The following AP5Z1 variants were observed in gnomAD, a reference collection of about 807,000 sequenced individuals.
AP5Z1 encodes AP-5 complex subunit zeta-1.
Under a neutral mutation model 83.0 loss-of-function variants are expected in AP5Z1, and 106 were observed. The observed-to-expected ratio is 1.28, with a 90% CI of 1.09 to 1.50. The LOEUF (loss-of-function observed/expected upper bound fraction) is 1.50. AP5Z1 is among the 40% of genes most tolerant of loss of function. AP5Z1 has a pLI of 0.00. For synonymous variants in AP5Z1, 751 were observed against 514.1 expected (o/e 1.46, Z -6.23); for missense variants, 1,565 against 1,094.2 (o/e 1.43, Z -6.07).
intron 4 of AP5Z1, 30 bp from the exon 5 acceptor site, chr7:4,783,659 C>A (rs1781448108): frequency 6.5e-7 from 1 of 1,540,070 alleles, no homozygotes; most frequent in African/African-American, 1.4e-5. Flanking sequence ...GATTCAACCT[C>A]ACCTCCCCAT....
intron 12 of AP5Z1, 37 bp downstream of exon 12, chr7:4,788,331 CAG>C (rs1562411685): frequency 6.5e-7 from 1 of 1,535,268 alleles, no homozygotes; most frequent in Admixed American, 2.0e-5. Flanking sequence ...ACCAGTGGCT[CAG>C]AGAGCCCGGC....
Position 4,788,871 on chromosome 7 carries a change from A to G in AP5Z1, c.1627A>G (p.Met543Val), listed in dbSNP as rs754702966. The change falls in exon 13 of 17, where the codon ATG becomes GTG. Residue 543 changes from methionine to valine, a missense_variant. By Grantham distance (21) the Met-to-Val change is conservative (BLOSUM62 1). Transcript: ENST00000649063. ...GCCACTCCACCAGCTGCTGCAGCCC[A>G]TGGCCGGCTGTGCCCGCGTGGCCCA... ...LAPLHQLLQP[M>V]AGCARVAQCA... is the part of the protein sequence containing the mutation. The G allele has an allele frequency of 1.2e-6, 2 of 1,609,838 alleles. No individual in the cohort carries two copies. The highest frequency in any genetic ancestry group is 1.7e-6 in the Non-Finnish European group (2 of 1,178,812).
At chr7:4,788,086 C>T in intron 11 of AP5Z1, 68 bp from the exon 12 acceptor site, 1 of 1,457,234 alleles carries the variant, frequency 6.9e-7, no homozygotes, top group Non-Finnish European at 9.1e-7. Flanking sequence ...CCGTGTGTCT[C>T]CCTGACGGGG....
rs542232607 is a variant in AP5Z1 at position 4,789,739 on chromosome 7, A to G, written c.1708-93A>G. On this transcript the variant is annotated intron_variant, in intron 13 of 16. Transcript: ENST00000649063. ...GTGGACGAGGAGTCTCCAGCCCCTC[A>G]CCTGCCCCCCAGCCCTCACCATGGC... 41 of 918,224 alleles carry G rather than the reference A, an allele frequency of 4.5e-5. No individual in the cohort carries two copies. The African/African-American group carries it at 6.6e-4, about 15-fold the overall frequency. The allele number at this position is 918,224 out of a possible 1,614,324, so 56.9% of individuals were successfully genotyped here.
chr7:4,783,872 A>G lies in AP5Z1; in HGVS notation c.621+74A>G, dbSNP rs1484051707. On this transcript the variant is annotated intron_variant, in intron 5 of 16. Transcript: ENST00000649063. The stretch of plus-strand genomic sequence containing the variant: ...CCCCTCCCTGAGAGCTCCTGTGCCC[A>G]CAGCGGCGAGGCCTGCTGTCGTTCC... The G allele has an allele frequency of 5.5e-6, 8 of 1,444,006 alleles. No homozygotes were observed. In the Admixed American group the frequency reaches 1.4e-4, roughly 26 times the overall value. 89.4% of individuals were successfully genotyped at this position (1,444,006 alleles called of 1,614,324 possible).
At chr7:4,790,359 AC>A in intron 14 of AP5Z1, 99 bp from the exon 15 acceptor site, 1 of 1,579,990 alleles carries the variant, frequency 6.3e-7, no homozygotes, top group South Asian at 1.1e-5. Flanking sequence ...GCATACACCT[AC>A]CACTCAGACG....
chr7:4,780,606 A>G (rs1040834531), intron 1 of AP5Z1, among the ~76,000 whole-genome samples: 7 of 152,100 alleles, frequency 4.6e-5, no homozygotes, highest in African/African-American at 1.4e-4. Flanking sequence ...TTACTAAAAA[A>G]TACAAAAAAA....
At position 4,781,162 on chromosome 7, in the gene AP5Z1, C is replaced by T; in HGVS notation, c.42-13C>T. ...GAGTGCTTCTGGGTCCTGAAGTCCT[C>T]TTCTTTGTTTAGGGAGATCCAGGAC... On this transcript the variant is annotated splice_polypyrimidine_tract_variant and intron_variant, in intron 1 of 16. Transcript: ENST00000649063. 1 of 1,612,830 alleles carries T rather than the reference C, an allele frequency of 6.2e-7. No homozygotes were observed. The highest frequency in any genetic ancestry group is 8.5e-7 in the Non-Finnish European group (1 of 1,179,028).
intron 14 of AP5Z1, 179 bp from the exon 15 acceptor site, chr7:4,790,280 G>A (rs1311617344): frequency 4.5e-6 from 7 of 1,544,030 alleles, no homozygotes; most frequent in African/African-American, 2.7e-5. Context: ...GCTGGTGCCA[G>A]CCTTCTCCCC....
In AP5Z1 at chr7:4,788,896, A is replaced by C. The variant is rs1186869930; in HGVS notation, c.1652A>C (p.Gln551Pro). The change falls in exon 13 of 17, where the codon CAG becomes CCG. Residue 551 changes from glutamine to proline, a missense_variant. Transcript: ENST00000649063. ...QPMAGCARVA[Q>P]CAQAVPTLLQ... ...ATGGCCGGCTGTGCCCGCGTGGCCCAGTGTGCCCAGGCCGTGCCCACGCTG... is the reference window on the plus strand; with the variant it reads ...ATGGCCGGCTGTGCCCGCGTGGCCCCGTGTGCCCAGGCCGTGCCCACGCTG... The C allele has an allele frequency of 1.2e-6, 2 of 1,611,010 alleles. No individual in the cohort carries two copies. Among genetic ancestry groups the C allele is most frequent in the East Asian group, 2.2e-5 (1 of 44,850 alleles).
chr7:4,781,659 C>A lies in AP5Z1; in HGVS notation c.271C>A (p.Arg91=), dbSNP rs767325342. 4 of 1,605,230 alleles carry A rather than the reference C, an allele frequency of 2.5e-6. No homozygotes were observed. Among genetic ancestry groups the A allele is most frequent in the Non-Finnish European group, 3.4e-6 (4 of 1,173,660 alleles). The change falls in exon 3 of 17, where the codon CGA becomes AGA. Residue 91 remains arginine (R), a synonymous_variant. Transcript: ENST00000649063. ...CCAGGTGCTTTGCGCCGCCATCCTG[C>A]GAGAGATGTCCCCCTCTGACAGCCT... ...QLQVLCAAIL[R]EMSPSDSLSL...
chr7:4,776,764 TACAG>T (rs1781240368), intron 1 of AP5Z1, among the ~76,000 whole-genome samples: 1 of 151,280 alleles, frequency 6.6e-6, no homozygotes, highest in South Asian at 2.1e-4. Flanking sequence ...GTAAAGAAAA[TACAG>T]CCAGCACTAC....
At chr7:4,790,930 AAG>A (rs1207659004) in intron 16 of AP5Z1, 43 bp downstream of exon 16, 2 of 1,536,022 alleles carry the variant, frequency 1.3e-6, no homozygotes, top group Non-Finnish European at 1.8e-6. Flanking sequence ...GCTCCTGGGG[AAG>A]AGAGGTGGCT....
Position 4,785,632 on chromosome 7 carries a change from C to T in AP5Z1, c.1080C>T (p.Asp360=), listed in dbSNP as rs898739258. 3 of 1,570,606 alleles carry T rather than the reference C, an allele frequency of 1.9e-6. No individual in the cohort carries two copies. Among genetic ancestry groups the T allele is most frequent in the Admixed American group, 1.8e-5 (1 of 54,940 alleles). ...CCCTGCACGGGCGGGTGCGCGGGGA[C>T]CCGGCCTCTGTGCGGGTGCTGCTGC... ...LKALHGRVRG[D]PASVRVLLPL... The change falls in exon 9 of 17, where the codon GAC becomes GAT. Residue 360 remains aspartate, a synonymous_variant. Coordinates refer to ENST00000649063, the MANE Select transcript of AP5Z1 (RefSeq NM_014855.3).
In AP5Z1 at chr7:4,784,126, T is replaced by TGAGGAGC. The variant is rs112082322; in HGVS notation, c.622-76_622-70dup. ...TTCAGGCAGCTTCTCCTCCACCTCC[T>TGAGGAGC]GAGGAGCTTGTGCTAAAGGCTGGCG... On this transcript the variant is annotated intron_variant, in intron 5 of 16. Transcript: ENST00000649063. The TGAGGAGC allele has an allele frequency of 1.4e-5, 21 of 1,478,948 alleles. No individual in the cohort carries two copies. The African/African-American group carries it at 2.7e-4, about 19-fold the overall frequency. 91.6% of individuals were successfully genotyped at this position (1,478,948 alleles called of 1,614,324 possible). A position where few individuals can be genotyped will look rare whatever the true frequency, so the allele number is the denominator to read the frequency against.
In AP5Z1 at chr7:4,790,577, C is replaced by G; in HGVS notation, c.1924C>G (p.Leu642Val). The G allele has an allele frequency of 6.2e-7, 1 of 1,613,048 alleles. No homozygotes were observed. Among genetic ancestry groups the G allele is most frequent in the Non-Finnish European group, 8.5e-7 (1 of 1,179,858 alleles). Residue 642 changes from leucine (L) to valine (V), a missense_variant, in exon 15 of 17, where the codon CTC (leucine) becomes GTC (valine). Physicochemically the swap from Leu to Val is conservative, Grantham distance 32 (BLOSUM62 1). Coordinates refer to ENST00000649063, the MANE Select transcript of AP5Z1 (RefSeq NM_014855.3). ...GAATGGTCTCTGCAGCAGGGCGAGC[C>G]TCGTCACCAGCGTGGTAAGGCGGGC... The part of the protein sequence containing the change: ...SVNGLCSRAS[L>V]VTSVVWAIGE...
rs980467017 is a variant in AP5Z1, at chr7:4,788,600, G to A, written c.1596-240G>A. The A allele has an allele frequency of 6.0e-6, 3 of 501,598 alleles. No individual in the cohort carries two copies. The East Asian group carries it at 9.7e-5, about 16-fold the overall frequency. 31.1% of individuals were successfully genotyped at this position (501,598 alleles called of 1,614,324 possible). A position where few individuals can be genotyped will look rare whatever the true frequency, so the allele number is the denominator to read the frequency against. ...TGAGCCCAGGAAGCAGGAGGCCTGGGACCGGCCACAGGCCTCCTGCCCTCA... is the reference window on the plus strand; with the variant it reads ...TGAGCCCAGGAAGCAGGAGGCCTGGAACCGGCCACAGGCCTCCTGCCCTCA... On this transcript the variant is annotated intron_variant, in intron 12 of 16. Transcript: ENST00000649063.
intron 16 of AP5Z1, 26 bp from the exon 17 acceptor site, chr7:4,791,089 C>T (rs760349249): frequency 3.2e-6 from 5 of 1,545,670 alleles, no homozygotes; most frequent in Non-Finnish European, 3.5e-6. Context: ...GCATCTGCAG[C>T]TGACGGAGGG....
At chr7:4,786,089 G>A (rs1188369492) in intron 9 of AP5Z1, among the ~76,000 whole-genome samples, 161 bp from the exon 10 acceptor site, 1 of 152,196 alleles carries the variant, frequency 6.6e-6, no homozygotes, top group Non-Finnish European at 1.5e-5. Flanking sequence ...GTCCCTGGGC[G>A]AGGGAGACCA....
Sources: gnomAD v4.1 joint callset for allele counts (sites outside exome capture counted in the v4.1 genomes callset) on GRCh38, gnomAD v4.1.1 for gene constraint, MANE v1.5 for transcripts, NCBI Gene and HGNC (gene_info 2026-07-23, HGNC 2026-07-21) for gene names.